HMGCLL1: variants seen among roughly 807,000 people sequenced by gnomAD.
HMGCLL1 encodes the protein 3-hydroxymethyl-3-methylglutaryl-CoA lyase, cytoplasmic.
In HMGCLL1, 36 loss-of-function variants were observed where a neutral mutation model predicts 39.1. The ratio of observed to expected loss-of-function variants is 0.92; its 90% CI spans 0.71 to 1.22. The LOEUF is 1.22. Ranked by LOEUF, HMGCLL1 falls within the 50% of genes most tolerant of loss-of-function variation. The pLI, the probability that HMGCLL1 is intolerant of heterozygous loss-of-function variation, is 0.00. For missense variants in HMGCLL1, 451 were observed against 416.5 expected (o/e 1.08, Z -0.72); for synonymous variants, 149 against 144.0 (o/e 1.03, Z -0.25).
the HMGCLL1 span, among the ~76,000 whole-genome samples, chr6:55,641,911 TTTA>T: frequency 4.1e-5 from 6 of 147,256 alleles, no homozygotes; most frequent in Middle Eastern, 3.5e-3. Context: ...TATTTATTTA[TTTA>T]TTTTTTATTA....
chr6:55,657,184 G>C, the HMGCLL1 span, among the ~76,000 whole-genome samples: 2 of 151,914 alleles, frequency 1.3e-5, no homozygotes, highest in African/African-American at 4.8e-5. Context: ...CTTTTGCTGT[G>C]CAGAAGCGCT....
intron 5 of HMGCLL1, among the ~76,000 whole-genome samples, chr6:55,507,628 T>C (rs1336624011): frequency 6.6e-6 from 1 of 151,824 alleles, no homozygotes; most frequent in Non-Finnish European, 1.5e-5. Context: ...TTTCAGAGAC[T>C]TTTCTCAGAG....
At chr6:55,587,471 G>A in the HMGCLL1 span, among the ~76,000 whole-genome samples, 50 of 152,114 alleles carry the variant, frequency 3.3e-4, no homozygotes, top group African/African-American at 3.6e-4. Flanking sequence ...AAAGATCATC[G>A]AGGCTAGGAA....
At chr6:55,550,440 T>C (rs915249305) in intron 1 of HMGCLL1, among the ~76,000 whole-genome samples, 2 of 151,954 alleles carry the variant, frequency 1.3e-5, no homozygotes, top group Non-Finnish European at 2.9e-5. Context: ...CTGAAGCCTC[T>C]GTTGTGAGTA....
At chr6:55,631,289 T>G in the HMGCLL1 span, among the ~76,000 whole-genome samples, 1 of 152,144 alleles carries the variant, frequency 6.6e-6, no homozygotes, top group African/African-American at 2.4e-5. Context: ...GCGTTCCTCA[T>G]TCTTTATGAA....
At chr6:55,607,379 T>G in the HMGCLL1 span, among the ~76,000 whole-genome samples, 1 of 152,172 alleles carries the variant, frequency 6.6e-6, no homozygotes, top group Non-Finnish European at 1.5e-5. Flanking sequence ...AAAAGAAGTT[T>G]GGATGAGCAG....
At chr6:55,457,905 C>T (rs966289011) in intron 7 of HMGCLL1, among the ~76,000 whole-genome samples, 6 of 152,090 alleles carry the variant, frequency 3.9e-5, no homozygotes, top group African/African-American at 1.4e-4. Flanking sequence ...TCACTGGGGC[C>T]ATGAGTGCAC....
upstream of HMGCLL1, among the ~76,000 whole-genome samples, chr6:55,580,533 G>T (rs1236832175): frequency 6.9e-6 from 1 of 145,126 alleles, no homozygotes; most frequent in Non-Finnish European, 1.5e-5. Flanking sequence ...CTCCTGCCTC[G>T]GCCTCCCCAG....
chr6:55,670,659 T>G, the HMGCLL1 span, among the ~76,000 whole-genome samples: 1 of 151,748 alleles, frequency 6.6e-6, no homozygotes, highest in East Asian at 1.9e-4. Flanking sequence ...TAGTTTAGTA[T>G]GGATTTATAA....
At chr6:55,545,315 C>T (rs961220304) in intron 1 of HMGCLL1, among the ~76,000 whole-genome samples, 1 of 151,836 alleles carries the variant, frequency 6.6e-6, no homozygotes, top group South Asian at 2.1e-4. Context: ...CCTTTCTTTG[C>T]ATCAATGTAT....
chr6:55,657,174 C>G, the HMGCLL1 span, among the ~76,000 whole-genome samples: 1 of 151,904 alleles, frequency 6.6e-6, no homozygotes, highest in Non-Finnish European at 1.5e-5. Flanking sequence ...TTCATAGTTT[C>G]TTTTGCTGTG....
chr6:55,472,002 C>T (rs1199396769), intron 7 of HMGCLL1, among the ~76,000 whole-genome samples: 1 of 151,698 alleles, frequency 6.6e-6, no homozygotes, highest in African/African-American at 2.4e-5. Context: ...AGCAGTTTTT[C>T]ATTCTCATAA....
chr6:55,506,294 TC>T (rs572182491), intron 5 of HMGCLL1, among the ~76,000 whole-genome samples: 131 of 151,846 alleles, frequency 8.6e-4, no homozygotes, highest in African/African-American at 3.0e-3. Flanking sequence ...GTCTTTCCAC[TC>T]TAATTGATAA....
intron 7 of HMGCLL1, among the ~76,000 whole-genome samples, chr6:55,480,611 G>A (rs1765691024): frequency 6.6e-6 from 1 of 151,636 alleles, no homozygotes; most frequent in Non-Finnish European, 1.5e-5. Flanking sequence ...CGTACACATA[G>A]AGTAGCAATC....
At chr6:55,542,033 C>T (rs1444810251) in intron 2 of HMGCLL1, 27 bp downstream of exon 2, 15 of 1,348,298 alleles carry the variant, frequency 1.1e-5, no homozygotes, top group African/African-American at 2.9e-5. Context: ...TTGTAGACAG[C>T]ATTTGAAGTA....
At chr6:55,553,248 C>CGTGT (rs70986735) in intron 1 of HMGCLL1, among the ~76,000 whole-genome samples, 11,126 of 143,656 alleles carry the variant, frequency 0.077, 636 homozygotes, top group African/African-American at 0.16. Context: ...TACATATATA[C>CGTGT]GTGTGTGTGT....
chr6:55,540,169 A>C (rs1769342712), intron 3 of HMGCLL1, among the ~76,000 whole-genome samples: 1 of 152,150 alleles, frequency 6.6e-6, no homozygotes, highest in Non-Finnish European at 1.5e-5. Context: ...TATAAATACC[A>C]TTTAAGGGAC....
At chr6:55,538,716 C>T (rs1371955334) in intron 3 of HMGCLL1, among the ~76,000 whole-genome samples, 1 of 152,050 alleles carries the variant, frequency 6.6e-6, no homozygotes, top group African/African-American at 2.4e-5. Flanking sequence ...TGAGCACCTA[C>T]TTACTATGTA....
At chr6:55,537,521 G>T (rs575858247) in intron 3 of HMGCLL1, among the ~76,000 whole-genome samples, 1 of 152,144 alleles carries the variant, frequency 6.6e-6, no homozygotes, top group Non-Finnish European at 1.5e-5. Flanking sequence ...CAGTGAACTT[G>T]TGTAGAGCCC....
Sources: gnomAD v4.1 joint callset for allele counts (sites outside exome capture counted in the v4.1 genomes callset) on GRCh38, gnomAD v4.1.1 for gene constraint, MANE v1.5 for transcripts, NCBI Gene and HGNC (gene_info 2026-07-23, HGNC 2026-07-21) for gene names.